The following IQSEC1 variants were observed in gnomAD, a reference collection of about 807,000 sequenced individuals.
The protein encoded by IQSEC1 is IQ motif and Sec7 domain ArfGEF 1.
IQSEC1 carries 31 observed loss-of-function variants against 91.0 expected under a neutral mutation model. The observed-to-expected ratio is 0.34, with a 90% CI of 0.26 to 0.46. The LOEUF (loss-of-function observed/expected upper bound fraction) is 0.46, where lower values mean the gene tolerates loss of function less well. Ranked by LOEUF, IQSEC1 falls within the 20% of genes least tolerant of loss-of-function variation. The pLI, the probability that IQSEC1 is intolerant of heterozygous loss-of-function variation, is 1.00. For synonymous variants in IQSEC1, 699 were observed against 662.6 expected (o/e 1.05, Z -0.84); for missense variants, 1,388 against 1,575.6 (o/e 0.88, Z 2.02).
intron 1 of IQSEC1, among the ~76,000 whole-genome samples, chr3:13,051,495 G>A (rs1020190695): frequency 4.6e-5 from 7 of 152,198 alleles, no homozygotes; most frequent in African/African-American, 1.7e-4. Context: ...GGATCTTGGG[G>A]TGGGGTCTGT....
In IQSEC1 at chr3:12,911,490, C is replaced by T. The variant is rs1695550701; in HGVS notation, c.2416+139G>A. 8.8e-6 allele frequency: 6 copies of T among 680,142 alleles called. No homozygotes were observed. The South Asian group carries it at 1.0e-4, about 11-fold the overall frequency. The allele number at this position is 680,142 out of a possible 1,614,324, so 42.1% of individuals were successfully genotyped here. On this transcript the variant is annotated intron_variant, in intron 10 of 13. Coordinates refer to ENST00000613206, the MANE Select transcript of IQSEC1 (RefSeq NM_001134382.3). ...TCTGTGCCTACAGCTCACCGGAGCT[C>T]CTAGCTGCAATCTGCTCTCTGGGGA...
chr3:13,252,728 G>GTTT (rs558834911), intron 1 of IQSEC1, among the ~76,000 whole-genome samples: 2 of 117,954 alleles, frequency 1.7e-5, no homozygotes, highest in East Asian at 2.1e-4. Flanking sequence ...GTTTTTTTTT[G>GTTT]TTTTTGTTTG....
intron 1 of IQSEC1, among the ~76,000 whole-genome samples, chr3:13,274,076 G>A (rs879598326): frequency 1.1e-4 from 16 of 152,276 alleles, no homozygotes; most frequent in South Asian, 4.1e-4. Flanking sequence ...TCCCAAAGCC[G>A]GGACCCTCCC....
rs569237157 is a variant in IQSEC1, at chr3:12,907,522, C to A, written c.2755+827G>T. On this transcript the variant is annotated intron_variant, in intron 12 of 13. Transcript: ENST00000613206. ...GGTGGACAGACTGTTCGGCGGAGGG[C>A]GGCTACGATACCCTCCCGTACACTC... Among the ~76,000 whole-genome samples, 133 of 152,290 alleles carry A rather than the reference C, an allele frequency of 8.7e-4. 1 individual carries two copies. Among genetic ancestry groups the A allele is most frequent in the African/African-American group, 3.1e-3 (127 of 41,564 alleles).
chr3:13,045,040 T>C (rs941692634), intron 1 of IQSEC1, among the ~76,000 whole-genome samples: 3 of 152,180 alleles, frequency 2.0e-5, no homozygotes, highest in African/African-American at 7.2e-5. Context: ...GCTGTGAGGG[T>C]TGGGAGTCAG....
intron 4 of IQSEC1, among the ~76,000 whole-genome samples, chr3:12,923,890 C>T (rs374929747): frequency 1.3e-5 from 2 of 152,242 alleles, no homozygotes; most frequent in Admixed American, 1.3e-4. Flanking sequence ...CCTGGCCCAC[C>T]CTTCTGGCTC....
chr3:13,101,589 G>C (rs940228970), intron 2 of IQSEC1, among the ~76,000 whole-genome samples: 3 of 152,092 alleles, frequency 2.0e-5, no homozygotes, highest in African/African-American at 7.2e-5. Flanking sequence ...GGAGCTCCCG[G>C]TTTCCACGAC....
At chr3:12,949,473 G>A (rs1699397363) in intron 1 of IQSEC1, among the ~76,000 whole-genome samples, 1 of 152,254 alleles carries the variant, frequency 6.6e-6, no homozygotes, top group Non-Finnish European at 1.5e-5. Flanking sequence ...GAGCAAAACA[G>A]CCTCCTGAAG....
chr3:13,252,153 C>G (rs1695205361), intron 1 of IQSEC1, among the ~76,000 whole-genome samples: 1 of 152,172 alleles, frequency 6.6e-6, no homozygotes, highest in Admixed American at 6.5e-5. Context: ...AGGACTTTTT[C>G]ATCCTCCCAA....
At chr3:13,035,581 G>A (rs911246756) in intron 1 of IQSEC1, among the ~76,000 whole-genome samples, 1 of 152,188 alleles carries the variant, frequency 6.6e-6, no homozygotes, top group Non-Finnish European at 1.5e-5. Flanking sequence ...ACACCTGTTA[G>A]GTCCTCTTCC....
intron 13 of IQSEC1, 42 bp downstream of exon 13, chr3:12,902,731 C>G: frequency 7.9e-7 from 1 of 1,261,796 alleles, no homozygotes; most frequent in Non-Finnish European, 1.1e-6. Flanking sequence ...CTGGGGAAGG[C>G]GACACAGGAC....
At chr3:13,179,296 T>C (rs1228097129) in intron 1 of IQSEC1, among the ~76,000 whole-genome samples, 3 of 152,134 alleles carry the variant, frequency 2.0e-5, no homozygotes, top group Non-Finnish European at 2.9e-5. Context: ...ACATTCAACC[T>C]GCTGGAAGAC....
At chr3:12,945,530 CA>C (rs1264625719) in intron 1 of IQSEC1, among the ~76,000 whole-genome samples, 11,487 of 119,104 alleles carry the variant, frequency 0.096, 738 homozygotes, top group African/African-American at 0.22. Flanking sequence ...TTCCACACTC[CA>C]AAAAAAAAAA....
intron 1 of IQSEC1, among the ~76,000 whole-genome samples, chr3:13,054,365 T>C (rs550295849): frequency 6.6e-6 from 1 of 152,288 alleles, no homozygotes; most frequent in East Asian, 1.9e-4. Context: ...TCCAGAAGTT[T>C]CTCTGTTTGG....
chr3:12,936,676 A>G lies in IQSEC1; in HGVS notation c.340T>C (p.Tyr114His), dbSNP rs901714702. Residue 114 changes from tyrosine (Y) to histidine (H), a missense_variant, in exon 3 of 14, where the codon TAT becomes CAT. This residue lies in a region of IQSEC1 where 1,059 missense variants were observed against 1,317.8 expected (regional missense o/e 0.80). Coordinates refer to ENST00000613206, the MANE Select transcript of IQSEC1 (RefSeq NM_001134382.3). ...TGGCGGGTTACCAGGCGCCCCCCAT[A>G]CTTTCGTTCTAGCATCTCCACCTGC... ...DKQVEMLERKYGGRLVTRHAA... is the reference protein window; with the variant it reads ...DKQVEMLERKHGGRLVTRHAA... 1 of 1,587,252 alleles carries G rather than the reference A, an allele frequency of 6.3e-7. No individual in the cohort carries two copies. The highest frequency in any genetic ancestry group is 8.6e-7 in the Non-Finnish European group (1 of 1,166,130).
At chr3:12,903,884 CAG>C (rs1318260921) in intron 12 of IQSEC1, among the ~76,000 whole-genome samples, 4 of 152,202 alleles carry the variant, frequency 2.6e-5, no homozygotes, top group African/African-American at 4.8e-5. Flanking sequence ...GTGTCCATAT[CAG>C]AGAGAGGAAC....
In IQSEC1 at chr3:12,900,697, A is replaced by G. The variant is rs895202957; in HGVS notation, c.*286T>C. 12 of 1,363,444 alleles carry G rather than the reference A, an allele frequency of 8.8e-6. No homozygotes were observed. Among genetic ancestry groups the G allele is most frequent in the Non-Finnish European group, 1.1e-5 (12 of 1,057,636 alleles). The allele number at this position is 1,363,444 out of a possible 1,614,324, so 84.5% of individuals were successfully genotyped here. A position where few individuals can be genotyped will look rare whatever the true frequency, so the allele number is the denominator to read the frequency against. On this transcript the variant is annotated 3_prime_UTR_variant, in exon 14 of 14. Coordinates refer to ENST00000613206, the MANE Select transcript of IQSEC1 (RefSeq NM_001134382.3). ...GCTGGAGTGGGGGAGGCAGTTCAAC[A>G]CTACTTGGCTGGCTCACCGTTTCAA...
At chr3:13,266,567 T>C (rs1371214779) in intron 1 of IQSEC1, among the ~76,000 whole-genome samples, 1 of 147,764 alleles carries the variant, frequency 6.8e-6, no homozygotes, top group Non-Finnish European at 1.5e-5. Context: ...GCTCCGATGA[T>C]GGGGAGGAAG....
intron 1 of IQSEC1, among the ~76,000 whole-genome samples, chr3:13,174,291 C>T (rs945931107): frequency 2.0e-5 from 3 of 152,180 alleles, no homozygotes; most frequent in African/African-American, 7.2e-5. Flanking sequence ...GCTTTGTCCT[C>T]TGGGTCAGCA....
Sources: gnomAD v4.1 joint callset for allele counts (sites outside exome capture counted in the v4.1 genomes callset) on GRCh38, gnomAD v4.1.1 for gene constraint, gnomAD v4.1.1 regional missense constraint, MANE v1.5 for transcripts, NCBI Gene and HGNC (gene_info 2026-07-23, HGNC 2026-07-21) for gene names.